Variants in NFX1 observed in about 807,000 individuals in gnomAD.
The protein encoded by NFX1 is transcriptional repressor NF-X1.
NFX1 carries 69 observed loss-of-function variants against 137.2 expected under a neutral mutation model. The observed-to-expected ratio is 0.50, with a 90% confidence interval of 0.41 to 0.61. The LOEUF (loss-of-function observed/expected upper bound fraction) is 0.61, where lower values mean the gene tolerates loss of function less well. Ranked by LOEUF, NFX1 falls within the 20% of genes least tolerant of loss-of-function variation. The pLI is 0.00. For missense variants in NFX1, 1,167 were observed against 1,391.0 expected, an observed-to-expected ratio of 0.84 and a Z score of 2.56; for synonymous variants, 495 against 474.1, an observed-to-expected ratio of 1.04 and a Z score of -0.57.
intron 14 of NFX1, 85 bp downstream of exon 14, chr9:33,344,273 G>C (rs1016679630): frequency 2.6e-6 from 4 of 1,563,340 alleles, no homozygotes; most frequent in Non-Finnish European, 2.6e-6. Context: ...CACTGCTCTA[G>C]AGTCATGCTG....
chr9:33,293,255 G>A (rs1386817410), intron 1 of NFX1, among the ~76,000 whole-genome samples: 3 of 152,170 alleles, frequency 2.0e-5, no homozygotes, highest in Non-Finnish European at 1.5e-5. Context: ...GATTAAATGA[G>A]TTAATACATG....
At position 33,329,720 on chromosome 9, in the gene NFX1, G is replaced by A. The variant is rs533455322; in HGVS notation, c.2004+1042G>A. ...ATCACCCAGGATGGAGTGCAGAGGC[G>A]CAGTCTTGGCTCACTGCAGCCTCCA... is the stretch of plus-strand genomic sequence containing the variant. On this transcript the variant is annotated intron_variant, in intron 10 of 23. Transcript: ENST00000379540. 3.3e-5 allele frequency among the ~76,000 whole-genome samples: 5 copies of A among 151,632 alleles called. No individual in the cohort carries two copies. The East Asian group carries it at 5.8e-4, about 18-fold the overall frequency.
intron 9 of NFX1, among the ~76,000 whole-genome samples, chr9:33,327,962 A>G (rs1036176033): frequency 6.6e-6 from 1 of 152,124 alleles, no homozygotes; most frequent in South Asian, 2.1e-4. Flanking sequence ...GGGAGATTCA[A>G]GTCTACACTG....
rs542061058 is a variant in NFX1, at chr9:33,358,836, A to AT, written c.2873+3951dup. On this transcript the variant is annotated intron_variant, in intron 19 of 23. Transcript: ENST00000379540. ...GCCACCACACCCAGCTAATTTTTAC[A>AT]TTTTTTTGTACCACACCCAGCTAAT... is the stretch of plus-strand genomic sequence containing the variant. 1.5e-4 allele frequency among the ~76,000 whole-genome samples: 22 copies of AT among 149,382 alleles called. 1 individual carries two copies. In the South Asian group the frequency reaches 4.5e-3, roughly 31 times the overall value.
At chr9:33,338,726 C>T (rs544996003) in intron 12 of NFX1, 137 bp downstream of exon 12, 1 of 703,036 alleles carries the variant, frequency 1.4e-6, no homozygotes, top group Non-Finnish European at 2.4e-6. Context: ...AGAGAGCTCT[C>T]ATAGTCCCCA....
At chr9:33,306,251 G>A (rs116011624) in intron 4 of NFX1, among the ~76,000 whole-genome samples, 1,576 of 152,272 alleles carry the variant, frequency 0.01, 31 homozygotes, top group African/African-American at 0.035. Context: ...GTTTTTGAGC[G>A]TGTGTGACTC....
At chr9:33,291,848 A>G (rs891429727) in intron 1 of NFX1, among the ~76,000 whole-genome samples, 7 of 152,190 alleles carry the variant, frequency 4.6e-5, no homozygotes, top group Non-Finnish European at 8.8e-5. Context: ...AGTTGCAGTG[A>G]GCCAAGATCG....
At chr9:33,326,413 T>TAAAAAA (rs368993458) in intron 9 of NFX1, among the ~76,000 whole-genome samples, 2 of 88,792 alleles carry the variant, frequency 2.3e-5, no homozygotes, top group African/African-American at 4.5e-5. Context: ...CCTCTGTCTT[T>TAAAAAA]AAAAAAAAAA....
At chr9:33,362,790 G>A (rs963505212) in intron 19 of NFX1, among the ~76,000 whole-genome samples, 3 of 136,444 alleles carry the variant, frequency 2.2e-5, no homozygotes, top group African/African-American at 8.4e-5. Flanking sequence ...TGCAAGCTCT[G>A]CCTCCCGGGT....
intron 1 of NFX1, among the ~76,000 whole-genome samples, chr9:33,291,882 G>A (rs1821175421): frequency 1.3e-5 from 2 of 152,158 alleles, no homozygotes; most frequent in Non-Finnish European, 2.9e-5. Flanking sequence ...CAGCCTGGGC[G>A]ACAGAGTGTG....
Position 33,366,646 on chromosome 9 carries a change from A to T in NFX1, c.3057A>T (p.Lys1019Asn), listed in dbSNP as rs75181385. Residue 1019 changes from lysine (K) to asparagine (N), a missense_variant, in exon 22 of 24, where the codon AAA becomes AAT. By Grantham distance (94) the Lys-to-Asn change is moderately conservative. Around this residue, in one of 3 missense-constraint regions of NFX1, gnomAD observed 312 missense variants for 312.8 expected, o/e 1.00. Transcript: ENST00000379540. ...EAVNKGKNSK[K>N]SHSFPPMNRD... ...CAATACAGGGAAAGAATAGTAAGAAAAGCCACAGCTTCCCTCCCATGAACA... is the reference window on the plus strand; with the variant it reads ...CAATACAGGGAAAGAATAGTAAGAATAGCCACAGCTTCCCTCCCATGAACA... The T allele has an allele frequency of 6.2e-7, 1 of 1,614,068 alleles. No individual in the cohort carries two copies. The highest frequency in any genetic ancestry group is 8.5e-7 in the Non-Finnish European group (1 of 1,180,026).
intron 2 of NFX1, among the ~76,000 whole-genome samples, chr9:33,299,699 G>A (rs938923474): frequency 6.6e-6 from 1 of 152,132 alleles, no homozygotes. Flanking sequence ...ACAGAAAGAG[G>A]TTGTGGAACA....
At chr9:33,320,951 G>A (rs1587838799) in intron 9 of NFX1, among the ~76,000 whole-genome samples, 1 of 152,156 alleles carries the variant, frequency 6.6e-6, no homozygotes, top group South Asian at 2.1e-4. Context: ...GAGAAGTGCT[G>A]TCTTCTTGTA....
In NFX1 at chr9:33,342,851, G is replaced by A. The variant is rs1564135316; in HGVS notation, c.2221G>A (p.Ala741Thr). Residue 741 changes from alanine (A) to threonine (T), a missense_variant, in exon 13 of 24, where the codon GCC becomes ACC. By Grantham distance (58) the Ala-to-Thr change is moderately conservative. This residue lies in a region of NFX1 where 488 missense variants were observed against 691.5 expected (regional missense o/e 0.71). Coordinates refer to ENST00000379540, the MANE Select transcript of NFX1 (RefSeq NM_002504.6). ...HRGNCQTCWQ[A>T]SFDELTCHCG... is the part of the protein sequence containing the mutation. ...TGGAAACTGCCAGACATGCTGGCAA[G>A]CCAGTGAGTGTCTTTACTGTATAGT... The A allele has an allele frequency of 1.2e-6, 2 of 1,602,518 alleles. No homozygotes were observed. Among genetic ancestry groups the A allele is most frequent in the Admixed American group, 1.7e-5 (1 of 59,562 alleles).
chr9:33,363,262 T>TGTA (rs1185873848), intron 19 of NFX1, among the ~76,000 whole-genome samples: 3 of 131,430 alleles, frequency 2.3e-5, no homozygotes, highest in Non-Finnish European at 4.7e-5. Flanking sequence ...AATAAAGAAA[T>TGTA]GTATTATTAT....
chr9:33,343,525 T>A (rs1823302364), intron 13 of NFX1, among the ~76,000 whole-genome samples: 1 of 152,148 alleles, frequency 6.6e-6, no homozygotes, highest in Non-Finnish European at 1.5e-5. Context: ...GGAAGAGTAT[T>A]TTAAAGATGT....
At chr9:33,346,234 A>G (rs1223902854) in intron 14 of NFX1, among the ~76,000 whole-genome samples, 3 of 152,196 alleles carry the variant, frequency 2.0e-5, no homozygotes, top group Non-Finnish European at 4.4e-5. Context: ...TAACCTGCAG[A>G]TGAATTCCAA....
intron 9 of NFX1, among the ~76,000 whole-genome samples, chr9:33,323,200 C>G (rs1021385749): frequency 6.6e-6 from 1 of 152,120 alleles, no homozygotes; most frequent in Non-Finnish European, 1.5e-5. Flanking sequence ...ACACCAGCGG[C>G]TACATACTGT....
intron 11 of NFX1, among the ~76,000 whole-genome samples, chr9:33,337,686 G>A (rs1823057200): frequency 6.6e-6 from 1 of 152,108 alleles, no homozygotes; most frequent in African/African-American, 2.4e-5. Flanking sequence ...CTATGTTAAT[G>A]CTACTGCACT....
Sources: allele counts gnomAD v4.1 joint callset (sites outside exome capture counted in the v4.1 genomes callset), GRCh38; gene constraint gnomAD v4.1.1; regional missense constraint gnomAD v4.1.1; transcripts MANE v1.5; gene names NCBI Gene and HGNC (gene_info 2026-07-23, HGNC 2026-07-21).